Variants in MKKS observed in about 807,000 individuals in gnomAD.
MKKS encodes MKKS centrosomal shuttling protein, also known as molecular chaperone MKKS.
Under a neutral mutation model 33.2 loss-of-function variants are expected in MKKS, and 29 were observed. The ratio of observed to expected loss-of-function variants is 0.87; its 90% CI spans 0.65 to 1.19. MKKS has a LOEUF of 1.19. MKKS is among the 50% of genes most tolerant of loss of function. The pLI is 0.00. For missense variants in MKKS, 661 were observed against 662.3 expected, an observed-to-expected ratio of 1.00 and a Z score of 0.02; for synonymous variants, 260 against 244.0, an observed-to-expected ratio of 1.07 and a Z score of -0.61.
At chr20:10,423,317 G>T (rs554068033) in intron 1 of MKKS, among the ~76,000 whole-genome samples, 2 of 152,126 alleles carry the variant, frequency 1.3e-5, no homozygotes, top group Non-Finnish European at 2.9e-5. Flanking sequence ...TGCGTGGGGG[G>T]TGCTGAGGTA....
intron 2 of MKKS, among the ~76,000 whole-genome samples, 179 bp downstream of exon 2, chr20:10,420,349 T>A (rs577721453): frequency 1.3e-5 from 2 of 152,318 alleles, no homozygotes; most frequent in East Asian, 3.9e-4. Context: ...GTGTCAAATG[T>A]CTCTGCACAA....
intron 3 of MKKS, 43 bp downstream of exon 3, chr20:10,412,487 G>GGC: frequency 6.3e-7 from 1 of 1,597,980 alleles, no homozygotes; most frequent in Non-Finnish European, 8.5e-7. Context: ...AAAAAAGTGT[G>GGC]ATTTATTAAC....
At chr20:10,416,989 T>A (rs995518809) in intron 2 of MKKS, among the ~76,000 whole-genome samples, 2 of 152,162 alleles carry the variant, frequency 1.3e-5, no homozygotes, top group African/African-American at 4.8e-5. Context: ...GAAAAAAAGT[T>A]TGCCAATTTC....
At chr20:10,433,855 C>T (rs1714228292) in intron 1 of MKKS, among the ~76,000 whole-genome samples, 1 of 152,168 alleles carries the variant, frequency 6.6e-6, no homozygotes, top group Non-Finnish European at 1.5e-5. Context: ...TCCAGCTCTC[C>T]CCACCGGCGG....
intron 5 of MKKS, among the ~76,000 whole-genome samples, chr20:10,406,640 T>G (rs1322937580): frequency 6.6e-6 from 1 of 152,232 alleles, no homozygotes; most frequent in Non-Finnish European, 1.5e-5. Flanking sequence ...ATGTCTGTAT[T>G]AGCAAACTAA....
intron 2 of MKKS, among the ~76,000 whole-genome samples, chr20:10,416,926 T>C (rs879404445): frequency 2.0e-5 from 3 of 152,226 alleles, no homozygotes; most frequent in African/African-American, 7.2e-5. Context: ...AGGGTTGGTA[T>C]AGACACTATA....
rs909134828 is a variant in MKKS at position 10,406,612 on chromosome 20, A to G, written c.1273-925T>C. ...TGTCTAATGATGCATTTCTCAGAAT[A>G]TATCTTTGTTAAGCAACATGTCTGT... On this transcript the variant is annotated intron_variant, in intron 5 of 5. Transcript: ENST00000347364. Among the ~76,000 whole-genome samples the G allele has an allele frequency of 3.3e-5, 5 of 152,352 alleles. No individual in the cohort carries two copies. In the South Asian group the frequency reaches 6.2e-4, roughly 19 times the overall value.
intron 2 of MKKS, among the ~76,000 whole-genome samples, chr20:10,419,928 A>G (rs2064967685): frequency 6.6e-6 from 1 of 152,214 alleles, no homozygotes; most frequent in Admixed American, 6.5e-5. Context: ...CAAACTGCGG[A>G]TAAAGGGAGA....
intron 2 of MKKS, among the ~76,000 whole-genome samples, chr20:10,415,752 C>T (rs1259479537): frequency 6.6e-6 from 1 of 152,192 alleles, no homozygotes; most frequent in Non-Finnish European, 1.5e-5. Flanking sequence ...AGAACATTTT[C>T]AATACTTAAT....
Position 10,405,218 on chromosome 20 carries a change from T to C in MKKS, c.*29A>G. 1 of 1,556,044 alleles carries C rather than the reference T, an allele frequency of 6.4e-7. No individual in the cohort carries two copies. The highest frequency in any genetic ancestry group is 8.8e-7 in the Non-Finnish European group (1 of 1,140,830). On this transcript the variant is annotated 3_prime_UTR_variant, in exon 6 of 6. Transcript: ENST00000347364. The stretch of plus-strand genomic sequence containing the variant: ...ATTGCCAACAGACTAGTTTATTTGT[T>C]TCTCTTGTAATACGAACATGCTATT...
chr20:10,430,142 G>A (rs1274975151), intron 1 of MKKS, among the ~76,000 whole-genome samples: 1 of 152,194 alleles, frequency 6.6e-6, no homozygotes, highest in East Asian at 1.9e-4. Context: ...TAGTACAGCA[G>A]AAAGAAAAAT....
chr20:10,410,717 T>C (rs1290678308), intron 3 of MKKS, among the ~76,000 whole-genome samples: 1 of 152,170 alleles, frequency 6.6e-6, no homozygotes, highest in Non-Finnish European at 1.5e-5. Flanking sequence ...ATATCATTAA[T>C]AAACAGGAAT....
At position 10,412,864 on chromosome 20, in the gene MKKS, C is replaced by A; in HGVS notation, c.651G>T (p.Gly217=). The change falls in exon 3 of 6, where the codon GGG becomes GGT. Residue 217 remains glycine, a synonymous_variant. Coordinates refer to ENST00000347364, the MANE Select transcript of MKKS (RefSeq NM_170784.3). ...QRVIDSTVLP[G]ILIEMSEVQL... ...GAACTTCTGACATTTCAATGAGTATCCCAGGTAATACAGTGGAATCTATAA... is the reference window on the plus strand; with the variant it reads ...GAACTTCTGACATTTCAATGAGTATACCAGGTAATACAGTGGAATCTATAA... 6.2e-7 allele frequency: 1 copy of A among 1,614,096 alleles called. No homozygotes were observed. Among genetic ancestry groups the A allele is most frequent in the Non-Finnish European group, 8.5e-7 (1 of 1,179,994 alleles).
At chr20:10,424,012 T>C (rs1460354733) in intron 1 of MKKS, among the ~76,000 whole-genome samples, 1 of 152,212 alleles carries the variant, frequency 6.6e-6, no homozygotes, top group Non-Finnish European at 1.5e-5. Flanking sequence ...CAAGTAACTA[T>C]TTTCTGACAG....
chr20:10,419,520 C>G (rs2064964874), intron 2 of MKKS, among the ~76,000 whole-genome samples: 1 of 152,158 alleles, frequency 6.6e-6, no homozygotes, highest in Non-Finnish European at 1.5e-5. Flanking sequence ...TCCAAGACCA[C>G]CCAGTGGATG....
At chr20:10,423,476 A>G (rs2064995105) in intron 1 of MKKS, among the ~76,000 whole-genome samples, 1 of 152,210 alleles carries the variant, frequency 6.6e-6, no homozygotes, top group Non-Finnish European at 1.5e-5. Flanking sequence ...ATGTAATAAT[A>G]AAATTGAGAT....
intron 3 of MKKS, among the ~76,000 whole-genome samples, chr20:10,411,408 C>G (rs2064885949): frequency 6.6e-6 from 1 of 152,082 alleles, no homozygotes; most frequent in East Asian, 1.9e-4. Context: ...CCACACCCAG[C>G]TAAAGTGTCC....
At chr20:10,416,109 G>A (rs1460956889) in intron 2 of MKKS, among the ~76,000 whole-genome samples, 2 of 152,170 alleles carry the variant, frequency 1.3e-5, no homozygotes, top group Non-Finnish European at 2.9e-5. Context: ...ACCATTAGAC[G>A]AATGGTCCTG....
chr20:10,413,951 AC>A lies in MKKS; in HGVS notation c.-417-21del, dbSNP rs967404473. The stretch of plus-strand genomic sequence containing the variant: ...CTTTACCTAATAAATAATAAAAAAA[AC>A]ATTTTAGAGAAATACTTCCCAAGCA... On this transcript the variant is annotated intron_variant, in intron 2 of 5. Transcript: ENST00000347364. 11 of 404,868 alleles carry A rather than the reference AC, an allele frequency of 2.7e-5. No individual in the cohort carries two copies. Among genetic ancestry groups the A allele is most frequent in the South Asian group, 1.2e-4 (1 of 8,370 alleles). 25.1% of individuals were successfully genotyped at this position (404,868 alleles called of 1,614,324 possible).
Sources: gnomAD v4.1 joint callset for allele counts (sites outside exome capture counted in the v4.1 genomes callset) on GRCh38, gnomAD v4.1.1 for gene constraint, MANE v1.5 for transcripts, NCBI Gene and HGNC (gene_info 2026-07-23, HGNC 2026-07-21) for gene names.